Variants in ACTR3C observed in about 807,000 individuals in gnomAD.
The protein encoded by ACTR3C is actin related protein 3C.
ACTR3C carries 18 observed loss-of-function variants against 26.3 expected under a neutral mutation model. The observed-to-expected ratio is 0.68, with a 90% confidence interval of 0.47 to 1.01. ACTR3C has a LOEUF of 1.01. Ranked by LOEUF, ACTR3C falls within the 50% of genes least tolerant of loss-of-function variation. The probability of loss-of-function intolerance (pLI) is 0.00; values close to 1 mark genes in which losing one functional copy is unlikely to be tolerated. For synonymous variants in ACTR3C, 55 were observed against 94.5 expected, an observed-to-expected ratio of 0.58 and a Z score of 2.42; for missense variants, 184 against 250.7, an observed-to-expected ratio of 0.73 and a Z score of 1.80.
the ACTR3C span, among the ~76,000 whole-genome samples, chr7:149,996,394 G>A: frequency 6.7e-6 from 1 of 150,354 alleles, no homozygotes; most frequent in African/African-American, 2.4e-5. Context: ...GTTGCATGAG[G>A]CAGAGAGAAA....
chr7:150,190,181 A>T, the ACTR3C span, among the ~76,000 whole-genome samples: 1 of 152,178 alleles, frequency 6.6e-6, no homozygotes. Context: ...GAATCTTTGC[A>T]TGTGTTTGTT....
the ACTR3C span, among the ~76,000 whole-genome samples, chr7:150,008,886 C>A: frequency 5.3e-5 from 8 of 151,796 alleles, 1 homozygote; most frequent in Admixed American, 5.2e-4. Flanking sequence ...GGGGCTCCCG[C>A]AAGTCATGGT....
the ACTR3C span, among the ~76,000 whole-genome samples, chr7:149,891,891 T>G: frequency 1.2e-4 from 2 of 16,030 alleles, no homozygotes; most frequent in Admixed American, 1.1e-3. Flanking sequence ...TACAATTGGA[T>G]CTGGAGCTTT....
intron 1 of ACTR3C, among the ~76,000 whole-genome samples, chr7:150,311,607 G>C (rs1796329390): frequency 6.6e-6 from 1 of 152,126 alleles, no homozygotes. Flanking sequence ...CACAAGTCCT[G>C]AGCCACATGA....
chr7:150,087,686 C>T, the ACTR3C span, among the ~76,000 whole-genome samples: 1 of 152,156 alleles, frequency 6.6e-6, no homozygotes, highest in Non-Finnish European at 1.5e-5. Context: ...GATCCAGACC[C>T]ACCCTGACAA....
the ACTR3C span, among the ~76,000 whole-genome samples, chr7:150,029,331 G>A: frequency 0.025 from 3,720 of 151,156 alleles, 58 homozygotes; most frequent in African/African-American, 0.04. Context: ...AGACCGAGGT[G>A]GGAGGACTGC....
the ACTR3C span, among the ~76,000 whole-genome samples, chr7:150,058,454 A>G: frequency 3.6e-3 from 542 of 152,296 alleles, no homozygotes; most frequent in Middle Eastern, 6.8e-3. Flanking sequence ...AGCAGAAATA[A>G]AAAGTTTTCT....
At chr7:150,039,460 C>G in the ACTR3C span, among the ~76,000 whole-genome samples, 1 of 68,184 alleles carries the variant, frequency 1.5e-5, no homozygotes, top group African/African-American at 4.3e-5. Context: ...GATGGGGGTA[C>G]TCACAGCCAG....
the ACTR3C span, among the ~76,000 whole-genome samples, chr7:149,967,653 C>A: frequency 2.0e-5 from 3 of 152,128 alleles, no homozygotes; most frequent in Non-Finnish European, 2.9e-5. Flanking sequence ...CACACCGAGG[C>A]ACAAAACTGA....
the ACTR3C span, among the ~76,000 whole-genome samples, chr7:149,915,362 G>A: frequency 6.6e-6 from 1 of 152,046 alleles, no homozygotes; most frequent in Non-Finnish European, 1.5e-5. Context: ...AATGGCAACA[G>A]CAATAGAATG....
the ACTR3C span, among the ~76,000 whole-genome samples, chr7:150,185,276 CGTGTGTGTGTGTGTGTGTGTGTGTGT>C: frequency 7.1e-6 from 1 of 140,876 alleles, no homozygotes; most frequent in Admixed American, 7.1e-5. Flanking sequence ...AAATGTCAGG[CGTGTGTGTGTGTGTGTGTGTGTGTGT>C]GTGTGTGTGT....
At chr7:149,928,765 C>T in the ACTR3C span, among the ~76,000 whole-genome samples, 1 of 151,412 alleles carries the variant, frequency 6.6e-6, no homozygotes, top group African/African-American at 2.4e-5. Context: ...ATCGCTTGAA[C>T]CCGGGAGGCA....
the ACTR3C span, among the ~76,000 whole-genome samples, chr7:150,180,130 C>A: frequency 6.6e-6 from 1 of 150,430 alleles, no homozygotes; most frequent in East Asian, 1.9e-4. Context: ...ACGGTGAAAC[C>A]CCATCTCTAC....
the ACTR3C span, among the ~76,000 whole-genome samples, chr7:150,164,913 C>A: frequency 1.3e-5 from 2 of 152,170 alleles, no homozygotes. Flanking sequence ...CACAGGTGAG[C>A]GCTGGTTTTG....
At chr7:150,029,415 AAACAAAC>A in the ACTR3C span, among the ~76,000 whole-genome samples, 2 of 92,254 alleles carry the variant, frequency 2.2e-5, no homozygotes, top group African/African-American at 1.4e-4. Context: ...AAAAAAAAAA[AAACAAAC>A]AAAAAAAAAC....
the ACTR3C span, among the ~76,000 whole-genome samples, chr7:150,085,673 A>C: frequency 6.6e-6 from 1 of 152,076 alleles, no homozygotes; most frequent in African/African-American, 2.4e-5. Flanking sequence ...CTGGATGAAA[A>C]ATTGGATCAT....
At chr7:150,186,997 C>T in the ACTR3C span, among the ~76,000 whole-genome samples, 2 of 152,108 alleles carry the variant, frequency 1.3e-5, no homozygotes, top group Admixed American at 6.6e-5. Flanking sequence ...ACTTTATGTA[C>T]TGCTGATTTC....
chr7:149,925,874 C>G, the ACTR3C span, among the ~76,000 whole-genome samples: 1 of 152,048 alleles, frequency 6.6e-6, no homozygotes, highest in Non-Finnish European at 1.5e-5. Context: ...TCAGCCTGAC[C>G]AATATGGTGA....
chr7:149,928,175 G>C, the ACTR3C span, among the ~76,000 whole-genome samples: 5 of 150,834 alleles, frequency 3.3e-5, no homozygotes, highest in South Asian at 4.2e-4. Context: ...AATACAAAAA[G>C]ATATCCTTGC....
Sources: allele counts gnomAD v4.1 joint callset (sites outside exome capture counted in the v4.1 genomes callset), GRCh38; gene constraint gnomAD v4.1.1; transcripts MANE v1.5; gene names NCBI Gene and HGNC (gene_info 2026-07-23, HGNC 2026-07-21).